SLC22A9: variants seen among roughly 807,000 people sequenced by gnomAD.
SLC22A9 encodes the protein organic anion transporter 7.
Under a neutral mutation model 50.1 loss-of-function variants are expected in SLC22A9, and 64 were observed. That is an observed-to-expected ratio of 1.28 (90% CI 1.04 to 1.57). SLC22A9 has a LOEUF of 1.57. SLC22A9 is among the 40% of genes most tolerant of loss of function. SLC22A9 has a pLI of 0.00. For synonymous variants in SLC22A9, 261 were observed against 242.5 expected, an observed-to-expected ratio of 1.08 and a Z score of -0.71; for missense variants, 757 against 676.1, an observed-to-expected ratio of 1.12 and a Z score of -1.33.
chr11:63,408,604 C>T, intron 8 of SLC22A9, 72 bp from the exon 9 acceptor site: 2 of 1,403,514 alleles, frequency 1.4e-6, no homozygotes, highest in Non-Finnish European at 2.0e-6. Context: ...ATAATTAGAG[C>T]AAAATGATAA....
In SLC22A9 at chr11:63,374,087, C is replaced by T. The variant is rs369805099; in HGVS notation, c.830+25C>T. 16 of 1,581,074 alleles carry T rather than the reference C, an allele frequency of 1.0e-5. No individual in the cohort carries two copies. In the Admixed American group the frequency reaches 1.8e-4, roughly 18 times the overall value. On this transcript the variant is annotated intron_variant, in intron 4 of 9. Coordinates refer to ENST00000279178, the MANE Select transcript of SLC22A9 (RefSeq NM_080866.3). ...GGTATGAGTTTGTTTCTTCTTTTGT[C>T]TTAATGAGATATTGGAATGAGAATG...
intron 6 of SLC22A9, among the ~76,000 whole-genome samples, chr11:63,396,554 C>T (rs1328635272): frequency 6.6e-6 from 1 of 152,146 alleles, no homozygotes; most frequent in Admixed American, 6.6e-5. Context: ...TATCTCCTGG[C>T]TCCTGCAGGA....
rs534220040 is a variant in SLC22A9 at position 63,391,871 on chromosome 11, G to A, written c.1073+9594G>A. Among the ~76,000 whole-genome samples, 6 of 151,960 alleles carry A rather than the reference G, an allele frequency of 3.9e-5. No homozygotes were observed. The South Asian group carries it at 1.2e-3, about 32-fold the overall frequency. On this transcript the variant is annotated intron_variant, in intron 6 of 9. Coordinates refer to ENST00000279178, the MANE Select transcript of SLC22A9 (RefSeq NM_080866.3). ...TTGTTATTTGTTTTCTGGTTGTTTT[G>A]TGGTAGTATCTTCCTTCTCTCCTTC...
chr11:63,372,422 A>C (rs2014378651), intron 2 of SLC22A9, among the ~76,000 whole-genome samples: 1 of 152,178 alleles, frequency 6.6e-6, no homozygotes, highest in African/African-American at 2.4e-5. Context: ...TACTGTCTGC[A>C]ATAAGGTGAA....
intron 4 of SLC22A9, among the ~76,000 whole-genome samples, chr11:63,374,263 T>C (rs186181675): frequency 1.3e-5 from 2 of 152,198 alleles, no homozygotes; most frequent in Admixed American, 1.3e-4. Flanking sequence ...AATTTCAACA[T>C]AAGGTAACCA....
intron 2 of SLC22A9, among the ~76,000 whole-genome samples, chr11:63,373,135 C>CT (rs5792283): frequency 0.55 from 73,855 of 134,868 alleles, 19,741 homozygotes; most frequent in Non-Finnish European, 0.6. Flanking sequence ...TTTTTTTTTT[C>CT]TTTTTTTTTT....
chr11:63,373,370 A>G (rs533627667), intron 2 of SLC22A9, among the ~76,000 whole-genome samples: 14 of 152,254 alleles, frequency 9.2e-5, no homozygotes, highest in African/African-American at 3.4e-4. Flanking sequence ...ATACTTTAAA[A>G]TGTCCAATAT....
intron 5 of SLC22A9, among the ~76,000 whole-genome samples, chr11:63,378,574 C>CA (rs1430575470): frequency 1.3e-5 from 2 of 152,026 alleles, no homozygotes. Context: ...GAGAGGAAGT[C>CA]AAAATATCTC....
At chr11:63,385,845 T>A (rs1322787007) in intron 6 of SLC22A9, among the ~76,000 whole-genome samples, 1 of 152,158 alleles carries the variant, frequency 6.6e-6, no homozygotes, top group East Asian at 1.9e-4. Flanking sequence ...ATAGGAATGG[T>A]GAAAGAGGGC....
At chr11:63,399,669 G>GACTTTA (rs1363234760) in intron 6 of SLC22A9, among the ~76,000 whole-genome samples, 3 of 152,054 alleles carry the variant, frequency 2.0e-5, no homozygotes, top group Non-Finnish European at 4.4e-5. Context: ...AGAAACATTG[G>GACTTTA]ACTTTATTTT....
chr11:63,384,426 G>T (rs1034472333), intron 6 of SLC22A9, among the ~76,000 whole-genome samples: 2 of 152,092 alleles, frequency 1.3e-5, no homozygotes, highest in African/African-American at 2.4e-5. Flanking sequence ...GTTTGCTGAG[G>T]ATAATGGCTT....
At chr11:63,403,629 A>G (rs1399656344) in intron 6 of SLC22A9, among the ~76,000 whole-genome samples, 1 of 152,128 alleles carries the variant, frequency 6.6e-6, no homozygotes, top group Non-Finnish European at 1.5e-5. Flanking sequence ...AGAACAAGAT[A>G]AGGATTCTAC....
chr11:63,370,986 A>G (rs1207389832), intron 1 of SLC22A9, 149 bp from the exon 2 acceptor site: 2 of 560,212 alleles, frequency 3.6e-6, no homozygotes, highest in South Asian at 2.6e-5. Flanking sequence ...TGAGACCTGA[A>G]TAACAAAGGT....
intron 6 of SLC22A9, among the ~76,000 whole-genome samples, chr11:63,397,988 C>T (rs553407): frequency 0.018 from 2,751 of 152,190 alleles, 83 homozygotes; most frequent in African/African-American, 0.063. Flanking sequence ...GGAAATATGC[C>T]AGGTCCCACC....
At chr11:63,383,737 C>T (rs542945674) in intron 6 of SLC22A9, among the ~76,000 whole-genome samples, 22 of 152,102 alleles carry the variant, frequency 1.4e-4, no homozygotes, top group Middle Eastern at 3.2e-3. Flanking sequence ...CATAACAATG[C>T]ACACATAAGT....
At chr11:63,377,780 C>A (rs1426769266) in intron 5 of SLC22A9, among the ~76,000 whole-genome samples, 1 of 151,738 alleles carries the variant, frequency 6.6e-6, no homozygotes, top group African/African-American at 2.4e-5. Flanking sequence ...TTTGAAAGAA[C>A]ACATTAGATG....
At chr11:63,393,658 C>A (rs746933249) in intron 6 of SLC22A9, among the ~76,000 whole-genome samples, 1 of 152,010 alleles carries the variant, frequency 6.6e-6, no homozygotes, top group African/African-American at 2.4e-5. Context: ...TTGTCAAGTG[C>A]TTTTCCTGCT....
intron 6 of SLC22A9, among the ~76,000 whole-genome samples, chr11:63,394,691 G>A (rs1053352688): frequency 2.0e-5 from 3 of 152,106 alleles, no homozygotes; most frequent in African/African-American, 4.8e-5. Context: ...ATAACCTGAC[G>A]ACAATGTGCC....
At chr11:63,376,790 T>C (rs965453630) in intron 5 of SLC22A9, among the ~76,000 whole-genome samples, 1 of 151,586 alleles carries the variant, frequency 6.6e-6, no homozygotes, top group Non-Finnish European at 1.5e-5. Flanking sequence ...CCCAATTGTA[T>C]ACTGACTTCC....
Sources: allele counts gnomAD v4.1 joint callset (sites outside exome capture counted in the v4.1 genomes callset), GRCh38; gene constraint gnomAD v4.1.1; transcripts MANE v1.5; gene names NCBI Gene and HGNC (gene_info 2026-07-23, HGNC 2026-07-21).